The following CNOT2 variants were observed in gnomAD, a reference collection of about 807,000 sequenced individuals.
CNOT2 encodes CC chemokine receptor 4-negative regulator of transcription 2.
A neutral mutation model predicts 72.1 loss-of-function variants in CNOT2; 7 were observed. That is an observed-to-expected ratio of 0.10 (90% CI 0.06 to 0.18). CNOT2 has a LOEUF of 0.18. Among genes scored for constraint, CNOT2 ranks in the 10% least tolerant of loss-of-function variants. The pLI, the probability that CNOT2 is intolerant of heterozygous loss-of-function variation, is 1.00. For missense variants in CNOT2, 345 were observed against 660.3 expected, an observed-to-expected ratio of 0.52 and a Z score of 5.23; for synonymous variants, 196 against 225.6, an observed-to-expected ratio of 0.87 and a Z score of 1.17.
intron 1 of CNOT2, among the ~76,000 whole-genome samples, chr12:70,277,916 A>G (rs77725830): frequency 0.095 from 14,538 of 152,242 alleles, 896 homozygotes; most frequent in Middle Eastern, 0.18. Flanking sequence ...AATTGAAGAA[A>G]GTAGAAGTGG....
intron 8 of CNOT2, chr12:70,335,808 A>G: frequency 3.3e-6 from 1 of 300,652 alleles, no homozygotes. Flanking sequence ...CCTCATTGGT[A>G]TTCAGAAGTT....
chr12:70,257,793 A>G (rs1958534647), intron 1 of CNOT2, among the ~76,000 whole-genome samples: 1 of 152,164 alleles, frequency 6.6e-6, no homozygotes, highest in Non-Finnish European at 1.5e-5. Context: ...AGTCTAGTTC[A>G]TTAATGTATA....
At chr12:70,309,644 A>G (rs984059876) in intron 2 of CNOT2, among the ~76,000 whole-genome samples, 2 of 152,120 alleles carry the variant, frequency 1.3e-5, no homozygotes, top group Admixed American at 1.3e-4. Context: ...TACAAGACAG[A>G]TATCAAATTT....
At chr12:70,266,944 TA>T (rs1381485827) in intron 1 of CNOT2, among the ~76,000 whole-genome samples, 1 of 151,766 alleles carries the variant, frequency 6.6e-6, no homozygotes, top group Non-Finnish European at 1.5e-5. Flanking sequence ...TTTGCTTTTT[TA>T]AATTTTCTGT....
intron 15 of CNOT2, among the ~76,000 whole-genome samples, chr12:70,352,024 A>G (rs1261358656): frequency 6.6e-6 from 1 of 152,128 alleles, no homozygotes; most frequent in Non-Finnish European, 1.5e-5. Context: ...ATAAACTCTC[A>G]GGGGACTGAT....
chr12:70,276,884 TAAAAG>T (rs1011058190), intron 1 of CNOT2, among the ~76,000 whole-genome samples: 1 of 152,132 alleles, frequency 6.6e-6, no homozygotes, highest in African/African-American at 2.4e-5. Context: ...TGATGAAACA[TAAAAG>T]AGGAGCCAGA....
chr12:70,285,869 GGAGA>G, intron 2 of CNOT2, among the ~76,000 whole-genome samples: 1 of 152,150 alleles, frequency 6.6e-6, no homozygotes, highest in Non-Finnish European at 1.5e-5. Context: ...TTTGAAATTG[GGAGA>G]GATTTTGTCA....
intron 1 of CNOT2, among the ~76,000 whole-genome samples, chr12:70,254,045 T>C (rs1958289983): frequency 6.6e-6 from 1 of 152,022 alleles, no homozygotes; most frequent in Non-Finnish European, 1.5e-5. Context: ...GAGACCATCC[T>C]GGCTAGCACG....
chr12:70,335,630 A>G (rs1880575810), intron 8 of CNOT2, 67 bp downstream of exon 8: 4 of 1,177,992 alleles, frequency 3.4e-6, no homozygotes, highest in Non-Finnish European at 5.0e-6. Context: ...ATATACATTT[A>G]CATGTACGTA....
intron 1 of CNOT2, among the ~76,000 whole-genome samples, chr12:70,244,921 T>C (rs1351197819): frequency 6.6e-6 from 1 of 152,192 alleles, no homozygotes; most frequent in African/African-American, 2.4e-5. Context: ...TTTGAAGCAA[T>C]ATAAATGGAA....
At chr12:70,353,075 CTTT>C (rs372881091) in intron 15 of CNOT2, among the ~76,000 whole-genome samples, 10 of 135,484 alleles carry the variant, frequency 7.4e-5, no homozygotes, top group Non-Finnish European at 9.6e-5. Context: ...ATGTGTTTTC[CTTT>C]TTTTTTTTTT....
rs550045815 is a variant in CNOT2, at chr12:70,248,668, G to A, written c.-96+5188G>A. Among the ~76,000 whole-genome samples the A allele has an allele frequency of 6.6e-4, 101 of 152,192 alleles. 2 individuals are homozygous for A. The Middle Eastern group carries it at 0.014, about 21-fold the overall frequency. ...ATGTAGAAATCAAAACAGGATAGATGACTCTCAGAATTGCATTTTAGTAGA... is the reference window on the plus strand; with the variant it reads ...ATGTAGAAATCAAAACAGGATAGATAACTCTCAGAATTGCATTTTAGTAGA... On this transcript the variant is annotated intron_variant, in intron 1 of 15. Coordinates refer to ENST00000229195, the MANE Select transcript of CNOT2 (RefSeq NM_014515.7).
intron 4 of CNOT2, chr12:70,322,995 A>G (rs1348546474): frequency 6.6e-6 from 1 of 151,742 alleles, no homozygotes; most frequent in African/African-American, 2.4e-5. Context: ...ATGCTAACAC[A>G]TAGATTAAAA....
At chr12:70,347,632 C>CA (rs552686712) in intron 15 of CNOT2, 1,295 of 105,828 alleles carry the variant, frequency 0.012, 7 homozygotes, top group African/African-American at 0.03. Flanking sequence ...GACTCCGTCT[C>CA]AAAAAAAAAA....
At position 70,342,172 on chromosome 12, in the gene CNOT2, GGA is replaced by G. The variant is rs1445968469; in HGVS notation, c.1240+7_1240+8del. 1.7e-5 allele frequency: 28 copies of G among 1,611,696 alleles called. No individual in the cohort carries two copies. Among genetic ancestry groups the G allele is most frequent in the Non-Finnish European group, 2.2e-5 (26 of 1,178,008 alleles). On this transcript the variant is annotated splice_donor_5th_base_variant and intron_variant, in intron 12 of 15. Coordinates refer to ENST00000229195, the MANE Select transcript of CNOT2 (RefSeq NM_014515.7). ...CCTTGTCGACCTCAAGACATAGGTA[GGA>G]GAATCTATTTGTGTTTAGACCTTTT...
intron 1 of CNOT2, among the ~76,000 whole-genome samples, chr12:70,259,233 C>G (rs1335527351): frequency 2.0e-5 from 3 of 152,110 alleles, no homozygotes; most frequent in Admixed American, 1.3e-4. Flanking sequence ...AGCATACTTA[C>G]AGAGCCTTTC....
intron 8 of CNOT2, 57 bp downstream of exon 8, chr12:70,335,620 A>G: frequency 3.0e-6 from 4 of 1,337,504 alleles, no homozygotes; most frequent in South Asian, 1.2e-5. Context: ...GTGCACACAC[A>G]TATACATTTA....
intron 6 of CNOT2, 50 bp downstream of exon 6, chr12:70,330,519 GA>G (rs753262286): frequency 7.4e-7 from 1 of 1,357,594 alleles, no homozygotes; most frequent in Non-Finnish European, 1.0e-6. Context: ...GGTATACTCA[GA>G]TTTGCCTTTT....
chr12:70,279,249 A>G (rs1238873116), intron 2 of CNOT2, among the ~76,000 whole-genome samples: 1 of 152,234 alleles, frequency 6.6e-6, no homozygotes, highest in African/African-American at 2.4e-5. Flanking sequence ...TCAAATTGGA[A>G]AAGTTAGCAG....
Sources: allele counts gnomAD v4.1 joint callset (sites outside exome capture counted in the v4.1 genomes callset), GRCh38; gene constraint gnomAD v4.1.1; transcripts MANE v1.5; gene names NCBI Gene and HGNC (gene_info 2026-07-23, HGNC 2026-07-21).